Variants in PRRC2C observed in about 807,000 individuals in gnomAD.
The protein encoded by PRRC2C is proline rich coiled-coil 2C, also known as protein PRRC2C.
PRRC2C carries 72 observed loss-of-function variants against 317.2 expected under a neutral mutation model. The ratio of observed to expected loss-of-function variants is 0.23; its 90% CI spans 0.19 to 0.28. The LOEUF is 0.28. Ranked by LOEUF, PRRC2C falls within the 10% of genes least tolerant of loss-of-function variation. The pLI is 1.00. For missense variants in PRRC2C, 3,074 were observed against 3,459.7 expected, an observed-to-expected ratio of 0.89 and a Z score of 2.80; for synonymous variants, 1,296 against 1,205.9, an observed-to-expected ratio of 1.07 and a Z score of -1.55.
At chr1:171,516,136 A>G (rs1269515541) in intron 5 of PRRC2C, among the ~76,000 whole-genome samples, 1 of 152,182 alleles carries the variant, frequency 6.6e-6, no homozygotes. Flanking sequence ...GTATACCAAT[A>G]TTTGGATTTT....
intron 11 of PRRC2C, among the ~76,000 whole-genome samples, chr1:171,530,516 A>G (rs4916395): frequency 0.95 from 145,248 of 152,104 alleles, 69,416 homozygotes; most frequent in East Asian, 1. Flanking sequence ...AAAGTGCTGG[A>G]ATTCCAGATG....
chr1:171,575,266 A>G (rs1685506380), intron 25 of PRRC2C, 138 bp downstream of exon 25: 3 of 847,476 alleles, frequency 3.5e-6, no homozygotes, highest in Non-Finnish European at 5.4e-6. Flanking sequence ...AAGTGCTGGG[A>G]TTACAGGCAT....
intron 1 of PRRC2C, among the ~76,000 whole-genome samples, chr1:171,499,942 A>T (rs1668786277): frequency 6.6e-6 from 1 of 152,242 alleles, no homozygotes; most frequent in African/African-American, 2.4e-5. Context: ...GTGATACTTG[A>T]CTATTATCAA....
At position 171,566,395 on chromosome 1, in the gene PRRC2C, C is replaced by G; in HGVS notation, c.6280C>G (p.Arg2094Gly). ...EPKEQRQKQP[R>G]AGPIKAQKLP... ...TAAAGAACAGCGGCAGAAGCAGCCA[C>G]GAGCAGGACCTATCAAAGCCCAGAA... Residue 2094 changes from arginine to glycine, a missense_variant, in exon 21 of 35, where the codon CGA (arginine) becomes GGA (glycine). This residue lies in a region of PRRC2C where 640 missense variants were observed against 676.1 expected (regional missense o/e 0.95). Transcript: ENST00000647382. The G allele has an allele frequency of 6.3e-7, 1 of 1,582,124 alleles. No individual in the cohort carries two copies. The highest frequency in any genetic ancestry group is 8.6e-7 in the Non-Finnish European group (1 of 1,163,758).
chr1:171,540,713 C>G lies in PRRC2C; in HGVS notation c.3247C>G (p.Gln1083Glu). Residue 1083 changes from glutamine to glutamate, a missense_variant, in exon 16 of 35, where the codon CAA (glutamine) becomes GAA (glutamate). Around this residue, in one of 11 missense-constraint regions of PRRC2C, gnomAD observed 1,320 missense variants for 1,395.7 expected, o/e 0.95. Transcript: ENST00000647382. ...IQPQSVPPPI[Q>E]PEAEKFPSTE... ...GCCACAGTCAGTTCCACCACCAATT[C>G]AACCAGAAGCAGAGAAATTTCCTTC... 1 of 1,613,974 alleles carries G rather than the reference C, an allele frequency of 6.2e-7. No homozygotes were observed. The highest frequency in any genetic ancestry group is 8.5e-7 in the Non-Finnish European group (1 of 1,179,880).
intron 10 of PRRC2C, among the ~76,000 whole-genome samples, chr1:171,526,803 A>ATTTTTTTTTTTTTTTTTTTTT (rs1557918055): frequency 1.2e-5 from 1 of 85,794 alleles, no homozygotes; most frequent in African/African-American, 4.8e-5. Context: ...TCAGAAATAT[A>ATTTTTTTTTTTTTTTTTTTTT]TCTTTTTTTT....
At chr1:171,523,382 T>C (rs1432759157) in intron 8 of PRRC2C, 28 bp downstream of exon 8, 2 of 1,613,860 alleles carry the variant, frequency 1.2e-6, no homozygotes, top group East Asian at 2.2e-5. Flanking sequence ...TTAAGTCCTT[T>C]AAATTGTTAG....
intron 20 of PRRC2C, among the ~76,000 whole-genome samples, chr1:171,562,666 A>G (rs1433951056): frequency 6.6e-6 from 1 of 152,236 alleles, no homozygotes; most frequent in Non-Finnish European, 1.5e-5. Context: ...AGGAAATACT[A>G]GAATTTTCAG....
chr1:171,523,150 C>T, intron 7 of PRRC2C, 71 bp from the exon 8 acceptor site: 6 of 1,366,614 alleles, frequency 4.4e-6, no homozygotes, highest in Non-Finnish European at 5.9e-6. Context: ...AACTAAATTC[C>T]AATCTTTTAG....
At chr1:171,535,898 T>G (rs2102453700) in intron 13 of PRRC2C, 131 bp from the exon 14 acceptor site, 1 of 1,232,336 alleles carries the variant, frequency 8.1e-7, no homozygotes, top group East Asian at 2.5e-5. Context: ...AACTCTTAAC[T>G]GTTAAATACC....
At chr1:171,519,138 C>T (rs1673077644) in intron 6 of PRRC2C, among the ~76,000 whole-genome samples, 2 of 152,134 alleles carry the variant, frequency 1.3e-5, no homozygotes, top group Non-Finnish European at 2.9e-5. Flanking sequence ...CCCGCCTCAG[C>T]CTCCCAAAGT....
At chr1:171,583,468 T>C (rs1649169689) in intron 28 of PRRC2C, among the ~76,000 whole-genome samples, 1 of 152,188 alleles carries the variant, frequency 6.6e-6, no homozygotes, top group African/African-American at 2.4e-5. Context: ...CATACAGAGC[T>C]GTCATGTCCT....
At chr1:171,577,771 A>ATTTT (rs1553245738) in intron 26 of PRRC2C, 134 bp downstream of exon 26, 29 of 299,912 alleles carry the variant, frequency 9.7e-5, no homozygotes, top group South Asian at 3.9e-4. Context: ...TTAAATTCGC[A>ATTTT]TTTTTTTTTT....
Position 171,589,442 on chromosome 1 carries a change from A to T in PRRC2C, c.8273A>T (p.Gln2758Leu). ...ACTAACACCTTCCCAGCGCCTGTTC[A>T]GAGGCCACCAATGGCACTGGCCAGT... ...PHTNTFPAPVQRPPMALASQM... is the reference protein window; with the variant it reads ...PHTNTFPAPVLRPPMALASQM... Residue 2758 changes from glutamine (Q) to leucine (L), a missense_variant, in exon 34 of 35, where the codon CAG becomes CTG. Transcript: ENST00000647382. 7.8e-7 allele frequency: 1 copy of T among 1,289,426 alleles called. No homozygotes were observed. The highest frequency in any genetic ancestry group is 1.0e-6 in the Non-Finnish European group (1 of 988,850). The allele number at this position is 1,289,426 out of a possible 1,614,324, so 79.9% of individuals were successfully genotyped here. A position where few individuals can be genotyped will look rare whatever the true frequency, so the allele number is the denominator to read the frequency against.
intron 16 of PRRC2C, among the ~76,000 whole-genome samples, chr1:171,545,232 G>A (rs951101095): frequency 5.2e-4 from 79 of 152,260 alleles, no homozygotes; most frequent in African/African-American, 1.7e-3. Context: ...AGAACTTCTG[G>A]TATAACTAGA....
chr1:171,548,599 A>G (rs1354670981), intron 17 of PRRC2C, among the ~76,000 whole-genome samples: 1 of 152,216 alleles, frequency 6.6e-6, no homozygotes, highest in African/African-American at 2.4e-5. Flanking sequence ...TATTATTCAG[A>G]CATTATACCT....
In PRRC2C at chr1:171,540,763, A is replaced by G. The variant is rs770849011; in HGVS notation, c.3297A>G (p.Gln1099=). ...FPSTETATLA[Q]KPSQDTEKPL... is the part of the protein sequence containing the mutation. The stretch of plus-strand genomic sequence containing the variant: ...CAACAGAAACTGCAACTTTGGCTCA[A>G]AAACCATCTCAGGATACTGAGAAGC... Residue 1099 remains glutamine, a synonymous_variant, in exon 16 of 35, where the codon CAA becomes CAG. Transcript: ENST00000647382. 1.2e-6 allele frequency: 2 copies of G among 1,614,024 alleles called. No homozygotes were observed. The highest frequency in any genetic ancestry group is 1.7e-6 in the Non-Finnish European group (2 of 1,179,882).
In PRRC2C at chr1:171,568,287, C is replaced by G; in HGVS notation, c.6599C>G (p.Pro2200Arg). Residue 2200 changes from proline to arginine, a missense_variant, in exon 23 of 35, where the codon CCT (proline) becomes CGT (arginine). Transcript: ENST00000647382. The part of the protein sequence containing the change: ...TDYTTPSSSL[P>R]NTVATNNTKM... Reference sequence around the variant, plus strand: ...TATACTACACCCTCTTCTTCTTTGCCTAACACCGTGGCTACTAATAATACA... The same window carrying G: ...TATACTACACCCTCTTCTTCTTTGCGTAACACCGTGGCTACTAATAATACA... The G allele has an allele frequency of 6.2e-7, 1 of 1,610,610 alleles. No individual in the cohort carries two copies. The highest frequency in any genetic ancestry group is 1.1e-5 in the South Asian group (1 of 90,196).
Position 171,512,975 on chromosome 1 carries a change from T to G in PRRC2C, c.113-20T>G. 1 of 1,584,120 alleles carries G rather than the reference T, an allele frequency of 6.3e-7. No homozygotes were observed. The highest frequency in any genetic ancestry group is 1.4e-5 in the African/African-American group (1 of 73,868). The stretch of plus-strand genomic sequence containing the variant: ...TAATAAAATAGATGTTCTAAGAAAG[T>G]TGATGTTATTGATCTTTAGTTGCAG... On this transcript the variant is annotated intron_variant, in intron 2 of 34. Coordinates refer to ENST00000647382, the MANE Select transcript of PRRC2C (RefSeq NM_001387844.1).
Sources: gnomAD v4.1 joint callset for allele counts (sites outside exome capture counted in the v4.1 genomes callset) on GRCh38, gnomAD v4.1.1 for gene constraint, gnomAD v4.1.1 regional missense constraint, MANE v1.5 for transcripts, NCBI Gene and HGNC (gene_info 2026-07-23, HGNC 2026-07-21) for gene names.